Variants in PEBP4 observed in about 807,000 individuals in gnomAD.
PEBP4 encodes the protein phosphatidylethanolamine-binding protein 4.
PEBP4 carries 22 observed loss-of-function variants against 23.9 expected under a neutral mutation model. That is an observed-to-expected ratio of 0.92 (90% CI 0.66 to 1.31). PEBP4 has a LOEUF of 1.31. Ranked by LOEUF, PEBP4 falls within the 40% of genes most tolerant of loss-of-function variation. The pLI, the probability that PEBP4 is intolerant of heterozygous loss-of-function variation, is 0.00. For missense variants in PEBP4, 324 were observed against 281.7 expected (o/e 1.15, Z -1.07); for synonymous variants, 112 against 99.3 (o/e 1.13, Z -0.76).
At chr8:22,905,420 C>A (rs1266869886) in intron 3 of PEBP4, among the ~76,000 whole-genome samples, 1 of 152,124 alleles carries the variant, frequency 6.6e-6, no homozygotes, top group African/African-American at 2.4e-5. Flanking sequence ...TTATTTATGG[C>A]AATTAAAGTG....
At chr8:22,819,515 T>C (rs1289679731) in intron 3 of PEBP4, among the ~76,000 whole-genome samples, 1 of 152,170 alleles carries the variant, frequency 6.6e-6, no homozygotes, top group Non-Finnish European at 1.5e-5. Flanking sequence ...AAGATGATCA[T>C]AAAAAGGGAA....
chr8:22,920,079 C>A, intron 3 of PEBP4, 105 bp downstream of exon 3: 1 of 1,417,488 alleles, frequency 7.1e-7, no homozygotes, highest in Non-Finnish European at 9.6e-7. Flanking sequence ...CAGACCCAAC[C>A]CAGATGGCTC....
Position 22,731,461 on chromosome 8 carries a change from T to C in PEBP4, c.358-4241A>G, listed in dbSNP as rs185106810. ...CTTACTTCATTGTAAGAGTACAGTA[T>C]AGAATACATATAACATACAAAACAT... On this transcript the variant is annotated intron_variant, in intron 4 of 6. Coordinates refer to ENST00000256404, the MANE Select transcript of PEBP4 (RefSeq NM_144962.3). Among the ~76,000 whole-genome samples the C allele has an allele frequency of 4.6e-5, 7 of 152,366 alleles. No individual in the cohort carries two copies. The East Asian group carries it at 1.3e-3, about 29-fold the overall frequency.
rs568248413 is a variant in PEBP4 at position 22,768,763 on chromosome 8, G to A, written c.358-41543C>T. On this transcript the variant is annotated intron_variant, in intron 4 of 6. Transcript: ENST00000256404. ...GTGGGGGCGGGCTTTTTGTTGGCCC[G>A]CGGATGGTGCTATCAGGAGGCAGTA... Among the ~76,000 whole-genome samples the A allele has an allele frequency of 5.3e-5, 8 of 152,208 alleles. No individual in the cohort carries two copies. The South Asian group carries it at 1.7e-3, about 32-fold the overall frequency.
intron 4 of PEBP4, among the ~76,000 whole-genome samples, chr8:22,778,845 G>A (rs377559365): frequency 6.6e-5 from 10 of 152,200 alleles, no homozygotes; most frequent in African/African-American, 2.4e-4. Context: ...TTCGGGGTAA[G>A]TAAAGTCTTC....
chr8:22,717,328 C>T (rs1804435794), intron 6 of PEBP4, among the ~76,000 whole-genome samples: 1 of 152,226 alleles, frequency 6.6e-6, no homozygotes, highest in Non-Finnish European at 1.5e-5. Flanking sequence ...TGAGTCACTG[C>T]ACCTAGACAG....
chr8:22,805,262 T>G (rs1458394481), intron 4 of PEBP4, among the ~76,000 whole-genome samples: 1 of 152,252 alleles, frequency 6.6e-6, no homozygotes, highest in Non-Finnish European at 1.5e-5. Flanking sequence ...GAGTGAACCC[T>G]AATGTAAACT....
intron 3 of PEBP4, among the ~76,000 whole-genome samples, chr8:22,824,749 C>T (rs529193536): frequency 1.7e-4 from 26 of 152,216 alleles, no homozygotes; most frequent in African/African-American, 5.8e-4. Flanking sequence ...ATGTACAGTT[C>T]GCAATAGGGT....
intron 4 of PEBP4, among the ~76,000 whole-genome samples, chr8:22,794,767 C>T (rs1000574069): frequency 8.5e-5 from 13 of 152,104 alleles, no homozygotes; most frequent in African/African-American, 3.1e-4. Flanking sequence ...TTCACTTCTA[C>T]TTTTGCAGGT....
intron 4 of PEBP4, among the ~76,000 whole-genome samples, chr8:22,817,354 C>T (rs112050124): frequency 0.012 from 1,764 of 152,312 alleles, 17 homozygotes; most frequent in Non-Finnish European, 0.018. Context: ...TCACCACTCC[C>T]GTGGTGGGAG....
intron 4 of PEBP4, among the ~76,000 whole-genome samples, chr8:22,741,236 C>G (rs1051987767): frequency 6.6e-6 from 1 of 152,178 alleles, no homozygotes; most frequent in Non-Finnish European, 1.5e-5. Flanking sequence ...GCTGAGCTGC[C>G]GTTCTCACGT....
rs73671295 is a variant in PEBP4, at chr8:22,792,265, G to T, written c.357+25372C>A. On this transcript the variant is annotated intron_variant, in intron 4 of 6. Coordinates refer to ENST00000256404, the MANE Select transcript of PEBP4 (RefSeq NM_144962.3). ...ATCAGCACTCCCTTAATCCAGGAGA[G>T]ACAGCCATTTGGGTGCAATATTCCA... Among the ~76,000 whole-genome samples, 607 of 152,250 alleles carry T rather than the reference G, an allele frequency of 4.0e-3. 6 individuals are homozygous for T. Among genetic ancestry groups the T allele is most frequent in the African/African-American group, 0.014 (587 of 41,526 alleles).
intron 3 of PEBP4, among the ~76,000 whole-genome samples, chr8:22,891,765 C>G (rs1053259210): frequency 6.6e-6 from 1 of 152,178 alleles, no homozygotes; most frequent in African/African-American, 2.4e-5. Flanking sequence ...ACCACAGCCT[C>G]CTTCTCAGCT....
chr8:22,842,984 C>T (rs1807358907), intron 3 of PEBP4, among the ~76,000 whole-genome samples: 2 of 152,204 alleles, frequency 1.3e-5, no homozygotes, highest in Admixed American at 6.5e-5. Flanking sequence ...CCCGCCAACA[C>T]ATCTGGCTAA....
intron 6 of PEBP4, among the ~76,000 whole-genome samples, chr8:22,720,807 C>T (rs981126540): frequency 2.0e-5 from 3 of 152,172 alleles, no homozygotes; most frequent in African/African-American, 7.2e-5. Flanking sequence ...GTGAGCACCC[C>T]CTATCCATAG....
chr8:22,824,750 G>A (rs547272337), intron 3 of PEBP4, among the ~76,000 whole-genome samples: 118 of 152,244 alleles, frequency 7.8e-4, no homozygotes, highest in African/African-American at 2.7e-3. Context: ...TGTACAGTTC[G>A]CAATAGGGTT....
At chr8:22,739,284 G>A (rs145231404) in intron 4 of PEBP4, among the ~76,000 whole-genome samples, 14 of 152,304 alleles carry the variant, frequency 9.2e-5, no homozygotes, top group African/African-American at 2.2e-4. Context: ...CCTCCCTGCC[G>A]CAGCAGAACA....
chr8:22,821,498 G>A (rs1438959986), intron 3 of PEBP4, among the ~76,000 whole-genome samples: 1 of 152,098 alleles, frequency 6.6e-6, no homozygotes, highest in East Asian at 1.9e-4. Flanking sequence ...AAAGTCAGGG[G>A]GACAGTGAGG....
intron 3 of PEBP4, chr8:22,895,343 G>A (rs1178691805): frequency 6.6e-6 from 1 of 152,116 alleles, no homozygotes; most frequent in Non-Finnish European, 1.5e-5. Context: ...ATGTTGGGGT[G>A]GGCTTACACA....
Sources: gnomAD v4.1 joint callset for allele counts (sites outside exome capture counted in the v4.1 genomes callset) on GRCh38, gnomAD v4.1.1 for gene constraint, MANE v1.5 for transcripts, NCBI Gene and HGNC (gene_info 2026-07-23, HGNC 2026-07-21) for gene names.